ERBB4: variants seen among roughly 807,000 people sequenced by gnomAD.
The protein encoded by ERBB4 is erb-b2 receptor tyrosine kinase 4.
ERBB4 carries 42 observed loss-of-function variants against 158.0 expected under a neutral mutation model. The observed-to-expected ratio is 0.27, with a 90% CI of 0.21 to 0.34. ERBB4 has a LOEUF of 0.34. Ranked by LOEUF, ERBB4 falls within the 10% of genes least tolerant of loss-of-function variation. The pLI is 1.00. For synonymous variants in ERBB4, 583 were observed against 558.7 expected, an observed-to-expected ratio of 1.04 and a Z score of -0.61; for missense variants, 1,333 against 1,624.1, an observed-to-expected ratio of 0.82 and a Z score of 3.08.
In ERBB4 at chr2:212,210,256, A is replaced by T. The variant is rs560947026; in HGVS notation, c.83-85353T>A. 8.5e-4 allele frequency among the ~76,000 whole-genome samples: 129 copies of T among 152,132 alleles called. 1 individual carries two copies. Among genetic ancestry groups the T allele is most frequent in the Non-Finnish European group, 1.6e-3 (110 of 67,982 alleles). On this transcript the variant is annotated intron_variant, in intron 1 of 27. Transcript: ENST00000342788. Reference sequence around the variant, plus strand: ...AGAATTTAGAATTTACCTTGTAAGTACAATGAACAATTTCCCATATGATCT... The same window carrying T: ...AGAATTTAGAATTTACCTTGTAAGTTCAATGAACAATTTCCCATATGATCT...
chr2:211,524,428 GGTGGTGCTCGT>G, intron 20 of ERBB4, among the ~76,000 whole-genome samples: 2 of 150,932 alleles, frequency 1.3e-5, no homozygotes, highest in African/African-American at 5.0e-5. Flanking sequence ...TGGAGCAGGG[GGTGGTGCTCGT>G]CGGGGAGGCT....
chr2:211,757,644 C>T (rs1488062444), intron 4 of ERBB4, among the ~76,000 whole-genome samples: 1 of 152,208 alleles, frequency 6.6e-6, no homozygotes, highest in African/African-American at 2.4e-5. Context: ...TCAACTCCCT[C>T]CTGCTAATTT....
intron 1 of ERBB4, among the ~76,000 whole-genome samples, chr2:212,239,686 T>C (rs1465529580): frequency 1.3e-5 from 2 of 152,198 alleles, no homozygotes; most frequent in Non-Finnish European, 2.9e-5. Flanking sequence ...CAGGTCTGTC[T>C]CCACTTGAAA....
intron 2 of ERBB4, among the ~76,000 whole-genome samples, chr2:212,011,025 G>A (rs1233435696): frequency 6.6e-6 from 1 of 152,058 alleles, no homozygotes; most frequent in Non-Finnish European, 1.5e-5. Flanking sequence ...AAAAATTGCT[G>A]TTATTCTGTT....
chr2:212,088,603 T>C (rs1050832754), intron 2 of ERBB4, among the ~76,000 whole-genome samples: 1 of 152,072 alleles, frequency 6.6e-6, no homozygotes, highest in African/African-American at 2.4e-5. Flanking sequence ...TCTCAGGATA[T>C]CATTACCCAC....
chr2:212,206,588 TC>T lies in ERBB4; in HGVS notation c.83-81686del, dbSNP rs1175943981. Reference sequence around the variant, plus strand: ...TATGAACTGTCTCCGTCTGTTCTGTTCTTTTTTTTTTTTTTTTGAGACGGAG... The same window carrying T: ...TATGAACTGTCTCCGTCTGTTCTGTTTTTTTTTTTTTTTTTTGAGACGGAG... On this transcript the variant is annotated intron_variant, in intron 1 of 27. Transcript: ENST00000342788. Among the ~76,000 whole-genome samples the T allele has an allele frequency of 2.4e-5, 2 of 82,194 alleles. 1 individual carries two copies. The highest frequency in any genetic ancestry group is 5.5e-5 in the Non-Finnish European group (2 of 36,066). The allele number at this position is 82,194 out of a possible 152,430, so 53.9% of individuals were successfully genotyped here. A position where few individuals can be genotyped will look rare whatever the true frequency, so the allele number is the denominator to read the frequency against.
At chr2:211,658,121 C>A in intron 15 of ERBB4, 1 of 640,560 alleles carries the variant, frequency 1.6e-6, no homozygotes, top group Non-Finnish European at 2.6e-6. Context: ...CAATGAATTT[C>A]AAGCCAGGAA....
rs190473774 is a variant in ERBB4 at position 212,477,602 on chromosome 2, C to T, written c.82+60847G>A. ...TGGTGACTTTTAAATGATAAGAAAA[C>T]ATGTTTTTAAAAGCAATGTTCCCTT... On this transcript the variant is annotated intron_variant, in intron 1 of 27. Coordinates refer to ENST00000342788, the MANE Select transcript of ERBB4 (RefSeq NM_005235.3). 1.6e-4 allele frequency among the ~76,000 whole-genome samples: 25 copies of T among 152,170 alleles called. 1 individual carries two copies. Among genetic ancestry groups the T allele is most frequent in the Non-Finnish European group, 3.5e-4 (24 of 67,974 alleles).
At chr2:212,037,989 C>CA (rs1384431621) in intron 2 of ERBB4, among the ~76,000 whole-genome samples, 1 of 152,010 alleles carries the variant, frequency 6.6e-6, no homozygotes, top group East Asian at 1.9e-4. Context: ...ATTTATTTCA[C>CA]AAAAAGTATT....
chr2:211,502,568 AT>A (rs1160667923), intron 20 of ERBB4, among the ~76,000 whole-genome samples: 1 of 152,126 alleles, frequency 6.6e-6, no homozygotes, highest in Non-Finnish European at 1.5e-5. Context: ...CAGAGCTCAT[AT>A]CTCCCTCTAT....
intron 3 of ERBB4, among the ~76,000 whole-genome samples, chr2:211,912,914 T>G (rs551757781): frequency 6.6e-6 from 1 of 152,338 alleles, no homozygotes; most frequent in East Asian, 1.9e-4. Context: ...GCACAGCCAC[T>G]TTTGACAGGC....
chr2:211,708,886 C>T (rs549675897), intron 9 of ERBB4, among the ~76,000 whole-genome samples: 3 of 152,152 alleles, frequency 2.0e-5, no homozygotes, highest in Admixed American at 2.0e-4. Flanking sequence ...CGTGGTGGAG[C>T]TGCAAATCAC....
intron 1 of ERBB4, among the ~76,000 whole-genome samples, chr2:212,531,743 G>A (rs2106344371): frequency 6.6e-6 from 1 of 152,058 alleles, no homozygotes; most frequent in East Asian, 1.9e-4. Context: ...CAAAAAGAAA[G>A]AAAAGAAACT....
intron 1 of ERBB4, among the ~76,000 whole-genome samples, chr2:212,237,437 T>G (rs972398927): frequency 1.1e-4 from 17 of 152,150 alleles, no homozygotes; most frequent in Non-Finnish European, 2.5e-4. Context: ...TGCTGCCTGT[T>G]CTTTCCTCTG....
chr2:211,528,046 C>T (rs1192426723), intron 20 of ERBB4, among the ~76,000 whole-genome samples: 3 of 152,018 alleles, frequency 2.0e-5, no homozygotes, highest in South Asian at 4.1e-4. Context: ...ACTAAACTCT[C>T]CAATCAAAAG....
At chr2:211,924,525 TA>T (rs763751117) in intron 3 of ERBB4, among the ~76,000 whole-genome samples, 5 of 152,284 alleles carry the variant, frequency 3.3e-5, no homozygotes, top group Non-Finnish European at 7.4e-5. Context: ...ATCTGTATAA[TA>T]TTTTTTTCAT....
chr2:211,404,334 G>A (rs2063105561), intron 25 of ERBB4, among the ~76,000 whole-genome samples: 2 of 152,032 alleles, frequency 1.3e-5, no homozygotes, highest in East Asian at 3.9e-4. Flanking sequence ...CCCCTCATTT[G>A]TCTTTGTTTG....
At chr2:212,290,625 G>A (rs562673914) in intron 1 of ERBB4, among the ~76,000 whole-genome samples, 7 of 152,056 alleles carry the variant, frequency 4.6e-5, no homozygotes, top group South Asian at 2.1e-4. Context: ...GCCAATAATC[G>A]CTAAGTCACG....
chr2:212,069,418 C>A (rs1473180858), intron 2 of ERBB4, among the ~76,000 whole-genome samples: 1 of 151,978 alleles, frequency 6.6e-6, no homozygotes, highest in Non-Finnish European at 1.5e-5. Flanking sequence ...AAACTAACAA[C>A]CTGAAACGGA....
Sources: gnomAD v4.1 joint callset for allele counts (sites outside exome capture counted in the v4.1 genomes callset) on GRCh38, gnomAD v4.1.1 for gene constraint, MANE v1.5 for transcripts, NCBI Gene and HGNC (gene_info 2026-07-23, HGNC 2026-07-21) for gene names.